KCNH7: variants seen among roughly 807,000 people sequenced by gnomAD.
KCNH7 encodes voltage-gated inwardly rectifying potassium channel KCNH7.
In KCNH7, 49 loss-of-function variants were observed where a neutral mutation model predicts 120.8. The observed-to-expected ratio is 0.41, with a 90% CI of 0.32 to 0.51. The LOEUF is 0.51. Ranked by LOEUF, KCNH7 falls within the 20% of genes least tolerant of loss-of-function variation. KCNH7 has a pLI of 0.38. For synonymous variants in KCNH7, 547 were observed against 516.1 expected, an observed-to-expected ratio of 1.06 and a Z score of -0.81; for missense variants, 1,097 against 1,446.6, an observed-to-expected ratio of 0.76 and a Z score of 3.92.
At chr2:162,704,042 T>TGCTAC (rs1158444094) in intron 2 of KCNH7, among the ~76,000 whole-genome samples, 5 of 152,200 alleles carry the variant, frequency 3.3e-5, no homozygotes, top group African/African-American at 1.2e-4. Context: ...CTGTGATTTC[T>TGCTAC]GCTACACATT....
chr2:162,817,870 A>G lies in KCNH7; in HGVS notation c.307+18667T>C, dbSNP rs79651665. Among the ~76,000 whole-genome samples, 29 of 152,004 alleles carry G rather than the reference A, an allele frequency of 1.9e-4. No individual in the cohort carries two copies. In the East Asian group the frequency reaches 5.4e-3, roughly 28 times the overall value. ...ACATAAGCCTCTTACATCTGTTTTTATTTGGGTTGTCTTTTCATTACTGAT... is the reference window on the plus strand; with the variant it reads ...ACATAAGCCTCTTACATCTGTTTTTGTTTGGGTTGTCTTTTCATTACTGAT... On this transcript the variant is annotated intron_variant, in intron 2 of 15. Coordinates refer to ENST00000332142, the MANE Select transcript of KCNH7 (RefSeq NM_033272.4).
intron 2 of KCNH7, among the ~76,000 whole-genome samples, chr2:162,815,440 T>C (rs1684883927): frequency 6.6e-6 from 1 of 152,184 alleles, no homozygotes; most frequent in Non-Finnish European, 1.5e-5. Flanking sequence ...GTAAACATTC[T>C]GTCATTATAA....
intron 9 of KCNH7, among the ~76,000 whole-genome samples, chr2:162,408,336 G>T (rs1021784404): frequency 1.3e-5 from 2 of 152,012 alleles, no homozygotes; most frequent in African/African-American, 4.8e-5. Flanking sequence ...GAAAGCAGAT[G>T]GCTGTATTAG....
At chr2:162,698,396 T>G (rs977479902) in intron 2 of KCNH7, among the ~76,000 whole-genome samples, 1 of 151,790 alleles carries the variant, frequency 6.6e-6, no homozygotes, top group African/African-American at 2.4e-5. Context: ...AATGTATATT[T>G]TTTTTGTTTT....
At chr2:162,785,189 G>A (rs1281251519) in intron 2 of KCNH7, 1 of 152,158 alleles carries the variant, frequency 6.6e-6, no homozygotes, top group South Asian at 2.1e-4. Context: ...TTAGTTTTAA[G>A]AATCAACTTA....
intron 2 of KCNH7, among the ~76,000 whole-genome samples, chr2:162,813,289 A>G (rs1034101047): frequency 1.1e-4 from 16 of 152,290 alleles, no homozygotes; most frequent in African/African-American, 3.1e-4. Flanking sequence ...ACAATCATGG[A>G]TAAAAAGGAA....
At chr2:162,615,510 C>A (rs904905147) in intron 2 of KCNH7, among the ~76,000 whole-genome samples, 2 of 152,114 alleles carry the variant, frequency 1.3e-5, no homozygotes, top group African/African-American at 2.4e-5. Flanking sequence ...TTGTAAGATT[C>A]TCCTGAGGCT....
At chr2:162,654,400 C>G (rs759946067) in intron 2 of KCNH7, among the ~76,000 whole-genome samples, 1 of 149,790 alleles carries the variant, frequency 6.7e-6, no homozygotes, top group Non-Finnish European at 1.5e-5. Context: ...GAAAAAATGT[C>G]CAACATCACT....
chr2:162,838,441 A>G lies in KCNH7; in HGVS notation c.76+2T>C, dbSNP rs928575615. The G allele has an allele frequency of 6.2e-7, 1 of 1,612,100 alleles. No homozygotes were observed. Among genetic ancestry groups the G allele is most frequent in the Non-Finnish European group, 8.5e-7 (1 of 1,178,356 alleles). ...GCGAGAGAAGAGAACAAACGAACTT[A>G]CTTTGCCCTTCAAATTTCCGAATGA... On this transcript the variant is annotated splice_donor_variant, in intron 1 of 15. Coordinates refer to ENST00000332142, the MANE Select transcript of KCNH7 (RefSeq NM_033272.4). LOFTEE classifies it high-confidence loss of function.
chr2:162,758,767 T>C (rs1035004401), intron 2 of KCNH7, among the ~76,000 whole-genome samples: 5 of 152,086 alleles, frequency 3.3e-5, no homozygotes, highest in Admixed American at 1.3e-4. Context: ...CTACTTAAAG[T>C]GTGAGTCAAT....
intron 2 of KCNH7, among the ~76,000 whole-genome samples, chr2:162,699,974 C>CA (rs1030792524): frequency 6.6e-6 from 1 of 151,484 alleles, no homozygotes; most frequent in Non-Finnish European, 1.5e-5. Context: ...AGAAAAATTA[C>CA]TTTTTTTTTC....
chr2:162,396,974 G>A (rs751847448), intron 10 of KCNH7, 29 bp from the exon 11 acceptor site: 4 of 1,480,150 alleles, frequency 2.7e-6, no homozygotes, highest in South Asian at 1.2e-5. Flanking sequence ...AAAGAGGCGG[G>A]GAAAGGGAAT....
At chr2:162,701,879 T>C (rs1363120843) in intron 2 of KCNH7, among the ~76,000 whole-genome samples, 5 of 151,938 alleles carry the variant, frequency 3.3e-5, no homozygotes, top group African/African-American at 2.4e-5. Context: ...TGGTGGTACA[T>C]GCCTGTAGTC....
intron 2 of KCNH7, among the ~76,000 whole-genome samples, chr2:162,610,869 G>T (rs1159075940): frequency 6.6e-6 from 1 of 152,188 alleles, no homozygotes; most frequent in African/African-American, 2.4e-5. Flanking sequence ...AAAAAGGACT[G>T]TTCTGTAAGA....
chr2:162,794,365 C>T (rs1028908483), intron 2 of KCNH7, among the ~76,000 whole-genome samples: 1 of 152,016 alleles, frequency 6.6e-6, no homozygotes, highest in African/African-American at 2.4e-5. Flanking sequence ...ATGCAATCTA[C>T]TTCTTGTTCT....
chr2:162,422,550 T>C (rs1014518758), intron 9 of KCNH7, among the ~76,000 whole-genome samples: 1 of 152,114 alleles, frequency 6.6e-6, no homozygotes, highest in Admixed American at 6.6e-5. Context: ...TATTTAGCAA[T>C]CAGCCTTTAG....
chr2:162,444,738 A>G (rs1360583635), intron 7 of KCNH7, among the ~76,000 whole-genome samples: 1 of 152,180 alleles, frequency 6.6e-6, no homozygotes, highest in Non-Finnish European at 1.5e-5. Context: ...TGGTGCAATG[A>G]TGTGAACCAC....
At chr2:162,757,904 A>T (rs1456983782) in intron 2 of KCNH7, among the ~76,000 whole-genome samples, 2 of 152,176 alleles carry the variant, frequency 1.3e-5, no homozygotes, top group Non-Finnish European at 2.9e-5. Flanking sequence ...AGTCACTACC[A>T]TGCACAACTG....
intron 14 of KCNH7, among the ~76,000 whole-genome samples, chr2:162,376,918 T>C (rs532541091): frequency 6.6e-6 from 1 of 152,262 alleles, no homozygotes; most frequent in South Asian, 2.1e-4. Context: ...TATCTATAGG[T>C]TAATCAGTCA....
Sources: allele counts gnomAD v4.1 joint callset (sites outside exome capture counted in the v4.1 genomes callset), GRCh38; gene constraint gnomAD v4.1.1; transcripts MANE v1.5; gene names NCBI Gene and HGNC (gene_info 2026-07-23, HGNC 2026-07-21).